WHRN: variants seen among roughly 807,000 people sequenced by gnomAD.
The protein encoded by WHRN is CASK-interacting protein CIP98.
WHRN carries 41 observed loss-of-function variants against 68.3 expected under a neutral mutation model. The ratio of observed to expected loss-of-function variants is 0.60; its 90% CI spans 0.47 to 0.78. WHRN has a LOEUF of 0.78. Ranked by LOEUF, WHRN falls within the 30% of genes least tolerant of loss-of-function variation. WHRN has a pLI of 0.00. For missense variants in WHRN, 1,243 were observed against 1,244.7 expected (o/e 1.00, Z 0.02); for synonymous variants, 560 against 561.3 (o/e 1.00, Z 0.03).
chr9:114,419,511 C>G (rs973501575), intron 7 of WHRN, among the ~76,000 whole-genome samples: 8 of 152,184 alleles, frequency 5.3e-5, no homozygotes, highest in Admixed American at 3.3e-4. Context: ...TATAATAGGA[C>G]ATAATGAGGC....
At position 114,478,539 on chromosome 9, in the gene WHRN, C is replaced by G. The variant is rs2133130010; in HGVS notation, c.837+14G>C. 1 of 1,613,946 alleles carries G rather than the reference C, an allele frequency of 6.2e-7. No homozygotes were observed. The highest frequency in any genetic ancestry group is 8.5e-7 in the Non-Finnish European group (1 of 1,179,818). ...GTGTCTGAGAGGCTGGCCTCCTTTC[C>G]CCACCCCACTCACCTTTTTCTCATC... On this transcript the variant is annotated intron_variant, in intron 2 of 11. Transcript: ENST00000362057.
At chr9:114,457,382 C>T (rs1292728980) in intron 3 of WHRN, among the ~76,000 whole-genome samples, 1 of 152,098 alleles carries the variant, frequency 6.6e-6, no homozygotes. Flanking sequence ...CCTAAAAGCA[C>T]TTCCTATAGG....
chr9:114,486,910 T>TGTA (rs1842539952), intron 1 of WHRN, among the ~76,000 whole-genome samples: 2 of 96,648 alleles, frequency 2.1e-5, no homozygotes, highest in African/African-American at 7.7e-5. Flanking sequence ...GTGTGTAGAG[T>TGTA]GTGTGTGTGT....
intron 2 of WHRN, among the ~76,000 whole-genome samples, chr9:114,472,881 C>T (rs1841353867): frequency 6.6e-6 from 1 of 152,210 alleles, no homozygotes; most frequent in Non-Finnish European, 1.5e-5. Flanking sequence ...CTGGCATGAC[C>T]ATCCTCCAAT....
At chr9:114,470,897 C>T (rs1398999041) in intron 2 of WHRN, among the ~76,000 whole-genome samples, 1 of 150,562 alleles carries the variant, frequency 6.6e-6, no homozygotes, top group African/African-American at 2.4e-5. Flanking sequence ...GCTTGGGCAT[C>T]TTTGCAGTCA....
rs567025499 is a variant in WHRN, at chr9:114,487,622, G to A, written c.619-8851C>T. Among the ~76,000 whole-genome samples the A allele has an allele frequency of 1.4e-3, 209 of 152,196 alleles. 1 individual carries two copies. The highest frequency in any genetic ancestry group is 4.9e-3 in the African/African-American group (204 of 41,496). ...GAACATCCTTGTATGTGCCATCTTG[G>A]GGCATTCATGCATCTAATTCCCTAA... On this transcript the variant is annotated intron_variant, in intron 1 of 11. Transcript: ENST00000362057.
At chr9:114,484,999 T>C (rs150618697) in intron 1 of WHRN, among the ~76,000 whole-genome samples, 14 of 152,240 alleles carry the variant, frequency 9.2e-5, no homozygotes, top group African/African-American at 3.1e-4. Context: ...TTCAAAACCA[T>C]ACACCAAAGG....
intron 2 of WHRN, among the ~76,000 whole-genome samples, chr9:114,472,520 C>T (rs1028795779): frequency 2.6e-5 from 4 of 152,166 alleles, no homozygotes; most frequent in Admixed American, 6.5e-5. Flanking sequence ...CTAACACTGC[C>T]CCACGCACAC....
intron 3 of WHRN, among the ~76,000 whole-genome samples, chr9:114,465,257 T>C (rs1840581653): frequency 1.3e-5 from 2 of 152,228 alleles, no homozygotes; most frequent in African/African-American, 2.4e-5. Context: ...CTTGTCTGCA[T>C]GGAAAATGAA....
chr9:114,447,852 T>G (rs1457893463), intron 3 of WHRN, among the ~76,000 whole-genome samples: 1 of 152,132 alleles, frequency 6.6e-6, no homozygotes, highest in Non-Finnish European at 1.5e-5. Flanking sequence ...CTGCCCAATC[T>G]CAGGCACTCT....
chr9:114,404,015 C>A lies in WHRN; in HGVS notation c.2299G>T (p.Asp767Tyr), dbSNP rs200583397. The A allele has an allele frequency of 3.7e-6, 6 of 1,613,432 alleles. No individual in the cohort carries two copies. The Admixed American group carries it at 1.0e-4, about 27-fold the overall frequency. The change falls in exon 10 of 12, where the codon GAT becomes TAT. Residue 767 changes from aspartate (D) to tyrosine (Y), a missense_variant. Physicochemically the swap from Asp to Tyr is radical, Grantham distance 160. Coordinates refer to ENST00000362057, the MANE Select transcript of WHRN (RefSeq NM_015404.4). ...GQTLSEDSGVDAGEAEASAPG... is the reference protein window; with the variant it reads ...GQTLSEDSGVYAGEAEASAPG... ...GCGCTGGCCTCTGCCTCGCCAGCAT[C>A]CACACCACTGTCCTCGCTTAGAGTC...
chr9:114,499,042 G>A (rs1843700320), intron 1 of WHRN, among the ~76,000 whole-genome samples: 1 of 152,196 alleles, frequency 6.6e-6, no homozygotes. Context: ...TGATAATGGG[G>A]GCGGCTAGCA....
intron 10 of WHRN, 122 bp from the exon 11 acceptor site, chr9:114,403,461 A>G (rs1834813230): frequency 7.5e-7 from 1 of 1,333,352 alleles, no homozygotes; most frequent in Admixed American, 1.7e-5. Flanking sequence ...CTGTGTCGGG[A>G]GCCTCAGGTG....
At chr9:114,458,142 A>G (rs1461091703) in intron 3 of WHRN, among the ~76,000 whole-genome samples, 1 of 152,180 alleles carries the variant, frequency 6.6e-6, no homozygotes, top group Non-Finnish European at 1.5e-5. Flanking sequence ...GAAAAGAGAA[A>G]TAATTTACCG....
intron 7 of WHRN, among the ~76,000 whole-genome samples, chr9:114,412,350 C>T (rs1358782520): frequency 6.6e-6 from 1 of 152,200 alleles, no homozygotes; most frequent in East Asian, 1.9e-4. Context: ...TTCACCACCA[C>T]CCACACACAA....
In WHRN at chr9:114,461,044, G is replaced by T. The variant is rs111395352; in HGVS notation, c.963+5223C>A. Reference sequence around the variant, plus strand: ...CAGCAGGAATATAAAATGCTTTACTGCGGAGGGGATTGAAGATAGAAAGGA... The same window carrying T: ...CAGCAGGAATATAAAATGCTTTACTTCGGAGGGGATTGAAGATAGAAAGGA... On this transcript the variant is annotated intron_variant, in intron 3 of 11. Coordinates refer to ENST00000362057, the MANE Select transcript of WHRN (RefSeq NM_015404.4). Among the ~76,000 whole-genome samples, 723 of 152,328 alleles carry T rather than the reference G, an allele frequency of 4.7e-3. 4 individuals carry two copies. The highest frequency in any genetic ancestry group is 0.014 in the South Asian group (70 of 4,828).
chr9:114,480,144 T>C (rs1173175704), intron 1 of WHRN, among the ~76,000 whole-genome samples: 1 of 152,106 alleles, frequency 6.6e-6, no homozygotes, highest in Non-Finnish European at 1.5e-5. Context: ...ACCATCTTTA[T>C]TGTACATTTC....
At chr9:114,485,067 C>A (rs910474846) in intron 1 of WHRN, among the ~76,000 whole-genome samples, 1 of 152,126 alleles carries the variant, frequency 6.6e-6, no homozygotes, top group African/African-American at 2.4e-5. Context: ...CTGAGGAGCA[C>A]GTGCAACAGA....
intron 8 of WHRN, 46 bp downstream of exon 8, chr9:114,407,901 G>C (rs772126879): frequency 2.6e-6 from 4 of 1,521,174 alleles, no homozygotes; most frequent in East Asian, 4.7e-5. Context: ...ACCAGGACCT[G>C]AGCACACCAG....
Sources: gnomAD v4.1 joint callset for allele counts (sites outside exome capture counted in the v4.1 genomes callset) on GRCh38, gnomAD v4.1.1 for gene constraint, MANE v1.5 for transcripts, NCBI Gene and HGNC (gene_info 2026-07-23, HGNC 2026-07-21) for gene names.